The following DEPDC1 variants were observed in gnomAD, a reference collection of about 807,000 sequenced individuals.
DEPDC1 encodes the protein DEP domain containing 1.
Under a neutral mutation model 86.8 loss-of-function variants are expected in DEPDC1, and 66 were observed. That is an observed-to-expected ratio of 0.76 (90% CI 0.62 to 0.93). DEPDC1 has a LOEUF of 0.93. Among genes scored for constraint, DEPDC1 ranks in the 40% least tolerant of loss-of-function variants. DEPDC1 has a pLI of 0.00. For missense variants in DEPDC1, 792 were observed against 935.7 expected (o/e 0.85, Z 2.00); for synonymous variants, 255 against 314.9 (o/e 0.81, Z 2.02).
intron 5 of DEPDC1, among the ~76,000 whole-genome samples, chr1:68,487,734 T>A (rs1182847961): frequency 1.3e-5 from 2 of 151,968 alleles, no homozygotes; most frequent in Non-Finnish European, 2.9e-5. Context: ...CAGAAACTTA[T>A]CATAAAAACA....
At chr1:68,489,380 A>T in intron 3 of DEPDC1, 72 bp downstream of exon 3, 1 of 1,081,864 alleles carries the variant, frequency 9.2e-7, no homozygotes, top group Non-Finnish European at 1.3e-6. Flanking sequence ...AGAATAATTT[A>T]CTTTTAATGA....
chr1:68,477,170 T>C (rs1417296467), intron 11 of DEPDC1, 101 bp from the exon 12 acceptor site: 13 of 974,990 alleles, frequency 1.3e-5, no homozygotes, highest in South Asian at 1.1e-4. Context: ...CTCAAAGACG[T>C]AGTATAGAGA....
intron 3 of DEPDC1, 42 bp from the exon 4 acceptor site, chr1:68,489,076 T>G (rs1255497035): frequency 1.6e-6 from 2 of 1,223,430 alleles, no homozygotes; most frequent in South Asian, 2.5e-5. Flanking sequence ...TATGCTCAAA[T>G]TTTTTAAATA....
intron 6 of DEPDC1, among the ~76,000 whole-genome samples, chr1:68,485,472 G>A (rs928661620): frequency 1.3e-5 from 2 of 151,998 alleles, no homozygotes; most frequent in Admixed American, 6.6e-5. Context: ...CTGGGGGATC[G>A]AATAACAAGT....
chr1:68,487,189 A>C (rs749896355), intron 5 of DEPDC1, among the ~76,000 whole-genome samples: 3 of 152,046 alleles, frequency 2.0e-5, no homozygotes, highest in Non-Finnish European at 2.9e-5. Context: ...AAATAGAAAA[A>C]GTCTGAAAAA....
intron 11 of DEPDC1, 59 bp downstream of exon 11, chr1:68,477,728 A>T: frequency 9.0e-7 from 1 of 1,116,102 alleles, no homozygotes; most frequent in Non-Finnish European, 1.2e-6. Flanking sequence ...TGTTATTAAC[A>T]ACCAGGAACA....
In DEPDC1 at chr1:68,478,435, A is replaced by C. The variant is rs1571192996; in HGVS notation, c.2113-463T>G. On this transcript the variant is annotated intron_variant, in intron 10 of 11. Coordinates refer to ENST00000456315, the MANE Select transcript of DEPDC1 (RefSeq NM_001114120.3). ...ATATTTACTGAAATGAAATATTTTT[A>C]GTTTTCATGTATTTTTTTTTTTTTT... 3.0e-5 allele frequency among the ~76,000 whole-genome samples: 4 copies of C among 133,368 alleles called. No homozygotes were observed. In the Admixed American group the frequency reaches 3.0e-4, roughly 10 times the overall value. 87.5% of individuals were successfully genotyped at this position (133,368 alleles called of 152,430 possible).
At chr1:68,477,222 C>A (rs1347457950) in intron 11 of DEPDC1, among the ~76,000 whole-genome samples, 153 bp from the exon 12 acceptor site, 1 of 151,780 alleles carries the variant, frequency 6.6e-6, no homozygotes, top group East Asian at 1.9e-4. Context: ...CCTCTCTCTT[C>A]TCATGTGAAT....
chr1:68,497,072 A>T lies in DEPDC1; in HGVS notation c.-73T>A. 1 of 1,542,792 alleles carries T rather than the reference A, an allele frequency of 6.5e-7. No homozygotes were observed. Among genetic ancestry groups the T allele is most frequent in the South Asian group, 1.1e-5 (1 of 88,970 alleles). On this transcript the variant is annotated 5_prime_UTR_variant, in exon 1 of 12. Coordinates refer to ENST00000456315, the MANE Select transcript of DEPDC1 (RefSeq NM_001114120.3). ...AGGCCCAGCGGCCGCGGCAGTGGCGAGTCTCGGCACAACCGTTGGCCCCGC... is the reference window on the plus strand; with the variant it reads ...AGGCCCAGCGGCCGCGGCAGTGGCGTGTCTCGGCACAACCGTTGGCCCCGC...
At chr1:68,481,994 G>A in intron 8 of DEPDC1, 52 bp downstream of exon 8, 1 of 1,494,932 alleles carries the variant, frequency 6.7e-7, no homozygotes, top group Non-Finnish European at 8.9e-7. Flanking sequence ...AAAACACAGA[G>A]TTAGTAAACA....
chr1:68,492,501 GT>G (rs1646236722), intron 2 of DEPDC1, among the ~76,000 whole-genome samples: 1 of 152,012 alleles, frequency 6.6e-6, no homozygotes, highest in African/African-American at 2.4e-5. Context: ...GAGCTCAGGA[GT>G]TTGAGACCAG....
chr1:68,479,576 G>A (rs1006704729), intron 9 of DEPDC1, among the ~76,000 whole-genome samples: 1 of 151,974 alleles, frequency 6.6e-6, no homozygotes, highest in African/African-American at 2.4e-5. Flanking sequence ...GCTGAGGTGA[G>A]AGGCTCACTT....
At chr1:68,494,900 TG>T (rs112035943) in intron 1 of DEPDC1, among the ~76,000 whole-genome samples, 95 of 152,294 alleles carry the variant, frequency 6.2e-4, no homozygotes, top group African/African-American at 2.1e-3. Context: ...CCCAGCACTT[TG>T]GGAGGCCGAT....
chr1:68,495,488 G>A (rs373156932), intron 1 of DEPDC1, among the ~76,000 whole-genome samples: 1 of 152,112 alleles, frequency 6.6e-6, no homozygotes, highest in African/African-American at 2.4e-5. Flanking sequence ...AATGACCAAG[G>A]TCACACAGCT....
chr1:68,482,392 C>T lies in DEPDC1; in HGVS notation c.1416G>A (p.Glu472=). The T allele has an allele frequency of 6.2e-7, 1 of 1,612,734 alleles. No homozygotes were observed. The highest frequency in any genetic ancestry group is 1.7e-5 in the Admixed American group (1 of 59,790). ...KQEFLLNLHS[E]ENIQKPFSAG... is the part of the protein sequence containing the mutation. ...CACTGAATGGCTTTTGAATATTTTC[C>T]TCTGAATGAAGATTCAACAGGAATT... Residue 472 remains glutamate (E), a synonymous_variant, in exon 8 of 12, where the codon GAG becomes GAA. Coordinates refer to ENST00000456315, the MANE Select transcript of DEPDC1 (RefSeq NM_001114120.3).
chr1:68,483,130 A>C (rs1646169391), intron 7 of DEPDC1: 2 of 556,296 alleles, frequency 3.6e-6, no homozygotes, highest in East Asian at 6.8e-5. Context: ...ACTTTAAAAA[A>C]TTATTTCAAC....
intron 11 of DEPDC1, 131 bp downstream of exon 11, chr1:68,477,652 TAATA>T: frequency 1.9e-6 from 1 of 518,988 alleles, no homozygotes; most frequent in Non-Finnish European, 3.1e-6. Flanking sequence ...CAAGACATCA[TAATA>T]TATAGTCTAT....
chr1:68,490,252 T>A (rs1184704571), intron 2 of DEPDC1, among the ~76,000 whole-genome samples: 1 of 152,166 alleles, frequency 6.6e-6, no homozygotes, highest in African/African-American at 2.4e-5. Context: ...TCATTTTTCC[T>A]GAACCTCTCC....
At chr1:68,487,066 TTATA>T (rs1281330704) in intron 5 of DEPDC1, 82 bp from the exon 6 acceptor site, 5 of 1,290,650 alleles carry the variant, frequency 3.9e-6, no homozygotes, top group African/African-American at 1.5e-5. Flanking sequence ...TTACGTGCAA[TTATA>T]TATATGTATA....
Sources: gnomAD v4.1 joint callset for allele counts (sites outside exome capture counted in the v4.1 genomes callset) on GRCh38, gnomAD v4.1.1 for gene constraint, MANE v1.5 for transcripts, NCBI Gene and HGNC (gene_info 2026-07-23, HGNC 2026-07-21) for gene names.